Variants in DGKB observed in about 807,000 individuals in gnomAD.
DGKB encodes 90 kDa diacylglycerol kinase.
In DGKB, 67 loss-of-function variants were observed where a neutral mutation model predicts 114.3. That is an observed-to-expected ratio of 0.59 (90% CI 0.48 to 0.72). The LOEUF (loss-of-function observed/expected upper bound fraction) is 0.72, where lower values mean the gene tolerates loss of function less well. DGKB is among the 30% of genes least tolerant of loss of function. The pLI, the probability that DGKB is intolerant of heterozygous loss-of-function variation, is 0.00. For missense variants in DGKB, 907 were observed against 975.2 expected, an observed-to-expected ratio of 0.93 and a Z score of 0.93; for synonymous variants, 398 against 323.1, an observed-to-expected ratio of 1.23 and a Z score of -2.49.
chr7:14,434,228 C>T (rs1319459708), intron 21 of DGKB, among the ~76,000 whole-genome samples: 3 of 152,112 alleles, frequency 2.0e-5, no homozygotes, highest in Non-Finnish European at 4.4e-5. Context: ...CTATTAAACC[C>T]TTTGTGTTAG....
chr7:14,327,147 A>G (rs1808886818), intron 23 of DGKB, among the ~76,000 whole-genome samples: 1 of 152,156 alleles, frequency 6.6e-6, no homozygotes. Flanking sequence ...AAATTTCAGT[A>G]TCTACCATAA....
intron 23 of DGKB, among the ~76,000 whole-genome samples, chr7:14,214,862 A>C (rs1381619857): frequency 2.6e-5 from 4 of 152,162 alleles, no homozygotes; most frequent in Admixed American, 6.5e-5. Flanking sequence ...TGAATTGAGA[A>C]GGCCAATGCC....
rs527879270 is a variant in DGKB at position 14,911,470 on chromosome 7, G to A, written c.-188+63226C>T. Reference sequence around the variant, plus strand: ...AACTTATAAGCTCTATAAGTACCAGGACTCTCAGAGTTTTTTTCCTCCCAC... The same window carrying A: ...AACTTATAAGCTCTATAAGTACCAGAACTCTCAGAGTTTTTTTCCTCCCAC... On this transcript the variant is annotated intron_variant, in intron 1 of 4. Coordinates refer to the DGKB transcript ENST00000437998. 1.9e-4 allele frequency among the ~76,000 whole-genome samples: 29 copies of A among 152,030 alleles called. No individual in the cohort carries two copies. In the East Asian group the frequency reaches 5.4e-3, roughly 28 times the overall value.
At chr7:14,920,072 T>G (rs1188475521) in intron 1 of DGKB, among the ~76,000 whole-genome samples, 1 of 152,154 alleles carries the variant, frequency 6.6e-6, no homozygotes, top group Non-Finnish European at 1.5e-5. Context: ...GAGGATGACA[T>G]AGAAAATCTA....
chr7:14,733,750 GAAGA>G (rs112075915), intron 5 of DGKB, among the ~76,000 whole-genome samples: 220 of 6,542 alleles, frequency 0.034, no homozygotes, highest in South Asian at 0.067. Flanking sequence ...AAGAAATAAA[GAAGA>G]AAGAAAGAAA....
At chr7:14,844,890 T>G (rs1397441479) in intron 1 of DGKB, among the ~76,000 whole-genome samples, 1 of 152,052 alleles carries the variant, frequency 6.6e-6, no homozygotes, top group Non-Finnish European at 1.5e-5. Context: ...GTGGATCACT[T>G]GAGCTCAGGA....
intron 17 of DGKB, among the ~76,000 whole-genome samples, chr7:14,586,766 T>C (rs1002590799): frequency 2.0e-5 from 3 of 151,706 alleles, no homozygotes; most frequent in African/African-American, 7.3e-5. Context: ...CTGTGCACTA[T>C]AAATGGTGGA....
At chr7:14,379,785 C>T (rs1819108331) in intron 21 of DGKB, among the ~76,000 whole-genome samples, 1 of 152,116 alleles carries the variant, frequency 6.6e-6, no homozygotes, top group African/African-American at 2.4e-5. Flanking sequence ...GTCTTGATCT[C>T]CTGACCTCGT....
chr7:14,712,014 C>T (rs772552274), intron 6 of DGKB, among the ~76,000 whole-genome samples: 1 of 151,956 alleles, frequency 6.6e-6, no homozygotes, highest in African/African-American at 2.4e-5. Flanking sequence ...TGGAAGAAAA[C>T]AACAAAGCAG....
At chr7:14,739,910 G>A (rs764444085) in intron 4 of DGKB, among the ~76,000 whole-genome samples, 1 of 152,226 alleles carries the variant, frequency 6.6e-6, no homozygotes, top group Non-Finnish European at 1.5e-5. Flanking sequence ...GGATAGATGC[G>A]GAAGTGGTGG....
chr7:14,677,564 T>C (rs77420049), intron 12 of DGKB, among the ~76,000 whole-genome samples: 28 of 152,176 alleles, frequency 1.8e-4, no homozygotes, highest in Non-Finnish European at 3.5e-4. Flanking sequence ...AAATAGGTGT[T>C]ATTTTTTCAA....
chr7:14,463,905 C>T (rs150913273), intron 21 of DGKB, among the ~76,000 whole-genome samples: 4 of 152,062 alleles, frequency 2.6e-5, no homozygotes, highest in African/African-American at 9.7e-5. Flanking sequence ...TAGTCTATTG[C>T]CACAAGGACA....
chr7:14,287,013 T>C (rs944606511), intron 23 of DGKB, among the ~76,000 whole-genome samples: 8 of 152,040 alleles, frequency 5.3e-5, no homozygotes, highest in African/African-American at 1.9e-4. Flanking sequence ...CGTGTTATTT[T>C]TGGTGTATGT....
At chr7:14,900,827 A>G (rs972516129) in intron 1 of DGKB, among the ~76,000 whole-genome samples, 6 of 152,130 alleles carry the variant, frequency 3.9e-5, no homozygotes, top group Non-Finnish European at 8.8e-5. Flanking sequence ...ATTTTGTCAA[A>G]TTTTTATCAG....
At chr7:14,619,470 T>C (rs895574866) in intron 15 of DGKB, among the ~76,000 whole-genome samples, 5 of 151,658 alleles carry the variant, frequency 3.3e-5, no homozygotes, top group African/African-American at 1.2e-4. Context: ...TTGGTTTTGA[T>C]GTCCGGGCAA....
chr7:14,809,613 A>AT lies in DGKB; in HGVS notation c.70+31580dup, dbSNP rs144153812. ...AAAGAACGCATAACACTGGGACAAT[A>AT]TTTTTTTTTTGCCAAAGTATTTTTC... On this transcript the variant is annotated intron_variant, in intron 2 of 25. Transcript: ENST00000402815. 1.4e-3 allele frequency among the ~76,000 whole-genome samples: 205 copies of AT among 149,826 alleles called. 2 individuals carry two copies. Among genetic ancestry groups the AT allele is most frequent in the African/African-American group, 2.7e-3 (109 of 40,976 alleles).
intron 21 of DGKB, among the ~76,000 whole-genome samples, chr7:14,438,882 T>C (rs76065423): frequency 0.014 from 2,187 of 152,118 alleles, 59 homozygotes; most frequent in African/African-American, 0.048. Context: ...GGGGAAAAAA[T>C]GTAGTGACCT....
At chr7:14,321,587 T>C (rs1807815443) in intron 23 of DGKB, among the ~76,000 whole-genome samples, 1 of 148,392 alleles carries the variant, frequency 6.7e-6, no homozygotes, top group Non-Finnish European at 1.5e-5. Flanking sequence ...ACTGGAGACT[T>C]TAAACAGAGA....
At chr7:14,752,401 AC>A (rs1834267091) in intron 4 of DGKB, among the ~76,000 whole-genome samples, 1 of 152,178 alleles carries the variant, frequency 6.6e-6, no homozygotes, top group Non-Finnish European at 1.5e-5. Flanking sequence ...AATACAGAGT[AC>A]AAAGTGCGAA....
Sources: allele counts gnomAD v4.1 joint callset (sites outside exome capture counted in the v4.1 genomes callset), GRCh38; gene constraint gnomAD v4.1.1; transcripts MANE v1.5; gene names NCBI Gene and HGNC (gene_info 2026-07-23, HGNC 2026-07-21).